Variants in NUP107 observed in about 807,000 individuals in gnomAD.
NUP107 encodes nucleoporin 107.
In NUP107, 101 loss-of-function variants were observed where a neutral mutation model predicts 141.0. The observed-to-expected ratio is 0.72, with a 90% CI of 0.61 to 0.84. The LOEUF (loss-of-function observed/expected upper bound fraction) is 0.84, where lower values mean the gene tolerates loss of function less well. Ranked by LOEUF, NUP107 falls within the 40% of genes least tolerant of loss-of-function variation. The probability of loss-of-function intolerance (pLI) is 0.00; values close to 1 mark genes in which losing one functional copy is unlikely to be tolerated. For synonymous variants in NUP107, 319 were observed against 363.9 expected (o/e 0.88, Z 1.41); for missense variants, 941 against 1,102.7 (o/e 0.85, Z 2.08).
rs1426848822 is a variant in NUP107 at position 68,706,537 on chromosome 12, CAA to C, written c.730-2699_730-2698del. The C allele has an allele frequency of 4.4e-6, 3 of 676,200 alleles. No individual in the cohort carries two copies. The African/African-American group carries it at 5.3e-5, about 12-fold the overall frequency. The allele number at this position is 676,200 out of a possible 1,614,324, so 41.9% of individuals were successfully genotyped here. A position where few individuals can be genotyped will look rare whatever the true frequency, so the allele number is the denominator to read the frequency against. ...GAAGCATGGGATGACCCGTGGTGCA[CAA>C]AGACTGAGATCTCCAAGATGAACAG... is the stretch of plus-strand genomic sequence containing the variant. On this transcript the variant is annotated intron_variant, in intron 8 of 27. Coordinates refer to ENST00000229179, the MANE Select transcript of NUP107 (RefSeq NM_020401.4).
At position 68,687,702 on chromosome 12, in the gene NUP107, A is replaced by C. The variant is rs1875565513; in HGVS notation, c.8+629A>C. 3 of 950,912 alleles carry C rather than the reference A, an allele frequency of 3.2e-6. No individual in the cohort carries two copies. In the South Asian group the frequency reaches 1.5e-4, roughly 46 times the overall value. The allele number at this position is 950,912 out of a possible 1,614,324, so 58.9% of individuals were successfully genotyped here. Reference sequence around the variant, plus strand: ...TGAATAATAAGAGTACATTATTCGTACTCCAAACATTGAGTACCTACTATG... The same window carrying C: ...TGAATAATAAGAGTACATTATTCGTCCTCCAAACATTGAGTACCTACTATG... On this transcript the variant is annotated intron_variant, in intron 1 of 27. Transcript: ENST00000229179.
Position 68,709,997 on chromosome 12 carries a change from T to C in NUP107, c.802-8T>C, listed in dbSNP as rs1442496548. ...TAACACTAATTTATTTTTTTCTTTC[T>C]TTCTTAGCTGGTGGTAGATTGGTTA... On this transcript the variant is annotated splice_region_variant and splice_polypyrimidine_tract_variant and intron_variant, in intron 9 of 27. Coordinates refer to ENST00000229179, the MANE Select transcript of NUP107 (RefSeq NM_020401.4). 1.9e-6 allele frequency: 3 copies of C among 1,544,118 alleles called. No individual in the cohort carries two copies. The highest frequency in any genetic ancestry group is 2.7e-6 in the Non-Finnish European group (3 of 1,121,892).
intron 18 of NUP107, 73 bp downstream of exon 18, chr12:68,725,869 C>T (rs1165434287): frequency 1.3e-6 from 1 of 748,558 alleles, no homozygotes; most frequent in African/African-American, 1.9e-5. Flanking sequence ...CAAAGTCTCA[C>T]CCTGTTGCCC....
chr12:68,740,044 C>T (rs896277487), intron 26 of NUP107: 6 of 152,116 alleles, frequency 3.9e-5, no homozygotes, highest in African/African-American at 1.2e-4. Flanking sequence ...CCGCTAGTAT[C>T]GGAATTCATT....
intron 17 of NUP107, among the ~76,000 whole-genome samples, chr12:68,722,969 A>G (rs1457154237): frequency 3.3e-5 from 5 of 152,230 alleles, no homozygotes; most frequent in Non-Finnish European, 7.3e-5. Context: ...TTACCAGGTT[A>G]AGGAGTATAA....
rs745940243 is a variant in NUP107, at chr12:68,733,519, C to T, written c.2169C>T (p.Ile723=). Residue 723 remains isoleucine (I), a synonymous_variant, in exon 24 of 28, where the codon ATC becomes ATT. Coordinates refer to ENST00000229179, the MANE Select transcript of NUP107 (RefSeq NM_020401.4). The part of the protein sequence containing the change: ...VKIPQDSIAE[I]YNQCEEQGME... ...TTCCTCAGGATTCTATAGCAGAAAT[C>T]TATAATCAGTGCGAGGAACAAGGAA... 41 of 1,613,424 alleles carry T rather than the reference C, an allele frequency of 2.5e-5. No homozygotes were observed. The African/African-American group carries it at 4.7e-4, about 18-fold the overall frequency.
chr12:68,726,407 A>C, intron 18 of NUP107, 92 bp from the exon 19 acceptor site: 4 of 771,038 alleles, frequency 5.2e-6, no homozygotes, highest in Non-Finnish European at 8.9e-6. Context: ...ACTTGAAAGC[A>C]CTATAGGAGT....
chr12:68,712,441 A>T lies in NUP107; in HGVS notation c.891-1289A>T, dbSNP rs541022487. ...CTCAAAAAAAAAAAAAAAAAAAAAA[A>T]AAGTCAGATTGCCAGATTGCCTTTG... On this transcript the variant is annotated intron_variant, in intron 10 of 27. Transcript: ENST00000229179. 2.1e-4 allele frequency among the ~76,000 whole-genome samples: 31 copies of T among 150,894 alleles called. No individual in the cohort carries two copies. In the East Asian group the frequency reaches 5.8e-3, roughly 28 times the overall value.
rs760810617 is a variant in NUP107 at position 68,719,645 on chromosome 12, G to A, written c.1242G>A (p.Met414Ile). The change falls in exon 14 of 28, where the codon ATG becomes ATA. Residue 414 changes from methionine to isoleucine, a missense_variant. By Grantham distance (10) the Met-to-Ile change is conservative (BLOSUM62 1). Coordinates refer to ENST00000229179, the MANE Select transcript of NUP107 (RefSeq NM_020401.4). ...RRIWKISCWR[M>I]AEDELFNRYE... ...TTTGGAAAATAAGTTGCTGGAGAATGGCAGAAGATGTAAGATAAATAAAAT... is the reference window on the plus strand; with the variant it reads ...TTTGGAAAATAAGTTGCTGGAGAATAGCAGAAGATGTAAGATAAATAAAAT... 3.1e-6 allele frequency: 5 copies of A among 1,604,528 alleles called. No homozygotes were observed. Among genetic ancestry groups the A allele is most frequent in the Non-Finnish European group, 8.5e-7 (1 of 1,171,414 alleles).
At chr12:68,687,508 C>T in intron 1 of NUP107, 1 of 1,002,902 alleles carries the variant, frequency 1.0e-6, no homozygotes, top group Non-Finnish European at 1.2e-6. Flanking sequence ...CTGTGCTAGC[C>T]GCCTACAACA....
At chr12:68,715,522 T>A (rs1877063753) in intron 11 of NUP107, 105 bp from the exon 12 acceptor site, 1 of 690,264 alleles carries the variant, frequency 1.4e-6, no homozygotes, top group Non-Finnish European at 2.6e-6. Flanking sequence ...AATGAATTTA[T>A]TTGTGTATAA....
chr12:68,696,724 T>C (rs551285795), intron 5 of NUP107, 95 bp from the exon 6 acceptor site: 84 of 699,848 alleles, frequency 1.2e-4, no homozygotes, highest in South Asian at 8.8e-4. Flanking sequence ...AAAAAATAAA[T>C]AAACAAATAA....
At chr12:68,737,341 G>A (rs954025879) in intron 26 of NUP107, among the ~76,000 whole-genome samples, 9 of 152,010 alleles carry the variant, frequency 5.9e-5, no homozygotes, top group African/African-American at 2.2e-4. Flanking sequence ...GAGGTGGGTG[G>A]ATCACCTGAG....
At chr12:68,696,764 G>T in intron 5 of NUP107, 55 bp from the exon 6 acceptor site, 1 of 907,980 alleles carries the variant, frequency 1.1e-6, no homozygotes, top group East Asian at 2.5e-5. Context: ...GAATTACCTA[G>T]AAGTACGTCA....
intron 18 of NUP107, 83 bp downstream of exon 18, chr12:68,725,879 C>T: frequency 1.4e-6 from 1 of 716,512 alleles, no homozygotes; most frequent in Non-Finnish European, 2.3e-6. Flanking sequence ...CCCTGTTGCC[C>T]AGACTGGAGT....
At position 68,706,445 on chromosome 12, in the gene NUP107, G is replaced by A. The variant is rs2136014212; in HGVS notation, c.730-2793G>A. 8 of 761,128 alleles carry A rather than the reference G, an allele frequency of 1.1e-5. No individual in the cohort carries two copies. In the East Asian group the frequency reaches 1.2e-4, roughly 12 times the overall value. The allele number at this position is 761,128 out of a possible 1,614,324, so 47.1% of individuals were successfully genotyped here. A position where few individuals can be genotyped will look rare whatever the true frequency, so the allele number is the denominator to read the frequency against. On this transcript the variant is annotated intron_variant, in intron 8 of 27. Coordinates refer to ENST00000229179, the MANE Select transcript of NUP107 (RefSeq NM_020401.4). ...GGTCAAGGCACCGTACGAGGAGATC[G>A]CCAACCACAACCAGGCTGAGGCTGA... is the stretch of plus-strand genomic sequence containing the variant.
chr12:68,706,958 G>C, intron 8 of NUP107: 1 of 657,710 alleles, frequency 1.5e-6, no homozygotes, highest in Non-Finnish European at 2.7e-6. Flanking sequence ...CTTTGGCTCT[G>C]GTGCGGGCTC....
At chr12:68,707,419 A>G (rs983353570) in intron 8 of NUP107, among the ~76,000 whole-genome samples, 1 of 152,144 alleles carries the variant, frequency 6.6e-6, no homozygotes, top group African/African-American at 2.4e-5. Flanking sequence ...TGGGCAAGAT[A>G]GCAAGACCCA....
At chr12:68,705,969 G>A in intron 8 of NUP107, 1 of 901,392 alleles carries the variant, frequency 1.1e-6, no homozygotes, top group Non-Finnish European at 1.9e-6. Context: ...TACAGTTCCT[G>A]CAGCAGCAGA....
Sources: allele counts gnomAD v4.1 joint callset (sites outside exome capture counted in the v4.1 genomes callset), GRCh38; gene constraint gnomAD v4.1.1; transcripts MANE v1.5; gene names NCBI Gene and HGNC (gene_info 2026-07-23, HGNC 2026-07-21).